RNF6: variants seen among roughly 807,000 people sequenced by gnomAD.
RNF6 encodes the protein E3 ubiquitin-protein ligase RNF6.
RNF6 carries 21 observed loss-of-function variants against 50.1 expected under a neutral mutation model. The observed-to-expected ratio is 0.42, with a 90% CI of 0.30 to 0.60. The LOEUF is 0.60. Among genes scored for constraint, RNF6 ranks in the 20% least tolerant of loss-of-function variants. The pLI is 0.20. For synonymous variants in RNF6, 255 were observed against 291.8 expected (o/e 0.87, Z 1.29); for missense variants, 698 against 838.2 (o/e 0.83, Z 2.07).
At chr13:26,141,916 G>T (rs1870974546) in intron 5 of RNF6, among the ~76,000 whole-genome samples, 1 of 152,062 alleles carries the variant, frequency 6.6e-6, no homozygotes, top group Non-Finnish European at 1.5e-5. Context: ...CACAGCAAAA[G>T]AAACTATCAG....
chr13:26,173,324 C>T (rs1872792747), intron 5 of RNF6, among the ~76,000 whole-genome samples: 1 of 152,118 alleles, frequency 6.6e-6, no homozygotes, highest in Admixed American at 6.5e-5. Context: ...TATTCATCAA[C>T]AGAGAAACAG....
At chr13:26,141,232 C>G (rs1019470373) in intron 5 of RNF6, among the ~76,000 whole-genome samples, 1 of 151,988 alleles carries the variant, frequency 6.6e-6, no homozygotes, top group Non-Finnish European at 1.5e-5. Flanking sequence ...GAGTTCAAGA[C>G]CAGCCTGGCC....
At position 26,202,017 on chromosome 13, in the gene RNF6, C is replaced by T. The variant is rs301063; in HGVS notation, n.768+13457G>A. 3.1e-3 allele frequency among the ~76,000 whole-genome samples: 467 copies of T among 152,220 alleles called. 5 individuals carry two copies. Among genetic ancestry groups the T allele is most frequent in the African/African-American group, 0.011 (447 of 41,532 alleles). On this transcript the variant is annotated intron_variant and non_coding_transcript_variant, in intron 5 of 5. Coordinates refer to the RNF6 transcript ENST00000468480. The stretch of plus-strand genomic sequence containing the variant: ...GACCCCAGGATAATGGAAGAAAGAG[C>T]GGTTTGTGCCACTAGGCCCTTATTC...
In RNF6 at chr13:26,214,290, T is replaced by C; in HGVS notation, c.1592A>G (p.Gln531Arg). The change falls in exon 5 of 5, where the codon CAG becomes CGG. Residue 531 changes from glutamine to arginine, a missense_variant. Gln to Arg is a conservative substitution (Grantham distance 43). Transcript: ENST00000381588. Reference sequence around the variant, plus strand: ...GTCTTGAGAGGAACCTTCCCTGTGCTGGCTCCTGTTGTTATCTGTACCTAA... The same window carrying C: ...GTCTTGAGAGGAACCTTCCCTGTGCCGGCTCCTGTTGTTATCTGTACCTAA... ...SNLGTDNNRS[Q>R]HREGSSQDRQ... 1.2e-6 allele frequency: 2 copies of C among 1,614,194 alleles called. 1 individual carries two copies. Among genetic ancestry groups the C allele is most frequent in the Middle Eastern group, 3.3e-4 (2 of 6,062 alleles).
downstream of RNF6, among the ~76,000 whole-genome samples, chr13:26,211,614 C>T (rs1005557746): frequency 2.0e-5 from 3 of 151,964 alleles, no homozygotes; most frequent in East Asian, 3.9e-4. Context: ...GAAAATTCGC[C>T]GGGCGTGGTG....
At chr13:26,172,894 G>A (rs1198158284) in intron 5 of RNF6, among the ~76,000 whole-genome samples, 9 of 151,824 alleles carry the variant, frequency 5.9e-5, no homozygotes, top group Non-Finnish European at 1.0e-4. Flanking sequence ...ATGGAGAAAG[G>A]TTTTCTACCC....
At chr13:26,198,763 TTAAA>T in intron 5 of RNF6, among the ~76,000 whole-genome samples, 1 of 151,986 alleles carries the variant, frequency 6.6e-6, no homozygotes, top group Non-Finnish European at 1.5e-5. Context: ...TTAAAAGCTA[TTAAA>T]TAAGTAAATT....
chr13:26,148,632 T>TTATATATATA (rs57373126), intron 5 of RNF6, among the ~76,000 whole-genome samples: 3,125 of 46,520 alleles, frequency 0.067, 246 homozygotes, highest in Non-Finnish European at 0.076. Context: ...ATAAATCTCT[T>TTATATATATA]TATATATATA....
intron 5 of RNF6, among the ~76,000 whole-genome samples, chr13:26,166,386 T>A (rs1007180904): frequency 6.6e-6 from 1 of 152,126 alleles, no homozygotes; most frequent in Non-Finnish European, 1.5e-5. Context: ...ACAAAGAGCA[T>A]CCAAAGAGGA....
intron 5 of RNF6, among the ~76,000 whole-genome samples, chr13:26,174,722 G>A (rs905503854): frequency 2.0e-5 from 3 of 152,098 alleles, no homozygotes; most frequent in East Asian, 1.9e-4. Context: ...GTTGCCACTC[G>A]GCACAAACGG....
At chr13:26,187,510 G>A (rs928965876) in intron 5 of RNF6, among the ~76,000 whole-genome samples, 1 of 152,144 alleles carries the variant, frequency 6.6e-6, no homozygotes, top group Non-Finnish European at 1.5e-5. Flanking sequence ...TGGTGAACTG[G>A]TTATAAAAGA....
At chr13:26,153,393 T>C (rs910961125) in intron 5 of RNF6, among the ~76,000 whole-genome samples, 2 of 151,964 alleles carry the variant, frequency 1.3e-5, no homozygotes, top group Non-Finnish European at 2.9e-5. Context: ...TTTGTATTTT[T>C]AGTAGAGACG....
rs1265196306 is a variant in RNF6 at position 26,213,034 on chromosome 13, T to G, written c.*790A>C. 1 of 152,606 alleles carries G rather than the reference T, an allele frequency of 6.6e-6. No individual in the cohort carries two copies. Among genetic ancestry groups the G allele is most frequent in the Non-Finnish European group, 1.5e-5 (1 of 68,012 alleles). 9.5% of individuals were successfully genotyped at this position (152,606 alleles called of 1,614,324 possible). ...ACTTTCAAAAAAGTTACAAAAAGGCTGAACACAAGTTAAATAACCTATATG... is the reference window on the plus strand; with the variant it reads ...ACTTTCAAAAAAGTTACAAAAAGGCGGAACACAAGTTAAATAACCTATATG... On this transcript the variant is annotated 3_prime_UTR_variant, in exon 5 of 5. Coordinates refer to ENST00000381588, the MANE Select transcript of RNF6 (RefSeq NM_005977.4).
At chr13:26,187,828 GTCC>G (rs1022142435) in intron 5 of RNF6, among the ~76,000 whole-genome samples, 4 of 152,138 alleles carry the variant, frequency 2.6e-5, no homozygotes, top group African/African-American at 9.7e-5. Context: ...GGCTTAAGCA[GTCC>G]TCCTGCCTCA....
intron 5 of RNF6, among the ~76,000 whole-genome samples, chr13:26,171,373 T>A (rs546540740): frequency 6.6e-6 from 1 of 151,976 alleles, no homozygotes; most frequent in South Asian, 2.1e-4. Context: ...AGGTGGCTAT[T>A]ATAAAAATAA....
rs1869416480 is a variant in RNF6, at chr13:26,213,007, G to A, written c.*817C>T. On this transcript the variant is annotated 3_prime_UTR_variant, in exon 5 of 5. Coordinates refer to ENST00000381588, the MANE Select transcript of RNF6 (RefSeq NM_005977.4). ...TATTTAATAATCCAAAGAATTGTTT[G>A]CACTTTCAAAAAAGTTACAAAAAGG... The A allele has an allele frequency of 6.6e-6, 1 of 152,404 alleles. No homozygotes were observed. Among genetic ancestry groups the A allele is most frequent in the Non-Finnish European group, 1.5e-5 (1 of 67,962 alleles). 9.4% of individuals were successfully genotyped at this position (152,404 alleles called of 1,614,324 possible).
At chr13:26,220,898 T>C (rs563395008) in intron 2 of RNF6, among the ~76,000 whole-genome samples, 1 of 152,342 alleles carries the variant, frequency 6.6e-6, no homozygotes, top group South Asian at 2.1e-4. Flanking sequence ...AAAATACTGT[T>C]GGAGTAAGCA....
chr13:26,214,190 G>C lies in RNF6; in HGVS notation c.1692C>G (p.Asp564Glu), dbSNP rs952751721. 14 of 1,614,170 alleles carry C rather than the reference G, an allele frequency of 8.7e-6. No homozygotes were observed. Among genetic ancestry groups the C allele is most frequent in the Non-Finnish European group, 1.0e-5 (12 of 1,180,040 alleles). ...ETTQPHTRNSDSRGGRQLRNP... is the reference protein window; with the variant it reads ...ETTQPHTRNSESRGGRQLRNP... ...TTCGCAACTGCCTGCCACCCCTACT[G>C]TCACTGTTTCGAGTATGAGGCTGGG... The change falls in exon 5 of 5, where the codon GAC becomes GAG. Residue 564 changes from aspartate to glutamate, a missense_variant. Asp to Glu is a conservative substitution (Grantham distance 45, BLOSUM62 2). Coordinates refer to ENST00000381588, the MANE Select transcript of RNF6 (RefSeq NM_005977.4).
chr13:26,182,822 C>T (rs755192566), intron 5 of RNF6, among the ~76,000 whole-genome samples: 1 of 152,138 alleles, frequency 6.6e-6, no homozygotes, highest in African/African-American at 2.4e-5. Context: ...AAAAGAAAAT[C>T]TGTTATTTTC....
Sources: gnomAD v4.1 joint callset for allele counts (sites outside exome capture counted in the v4.1 genomes callset) on GRCh38, gnomAD v4.1.1 for gene constraint, MANE v1.5 for transcripts, NCBI Gene and HGNC (gene_info 2026-07-23, HGNC 2026-07-21) for gene names.